NTM: variants seen among roughly 807,000 people sequenced by gnomAD.
The protein encoded by NTM is IgLON family member 2.
Under a neutral mutation model 42.1 loss-of-function variants are expected in NTM, and 13 were observed. The ratio of observed to expected loss-of-function variants is 0.31; its 90% CI spans 0.20 to 0.49. The LOEUF is 0.49. Among genes scored for constraint, NTM ranks in the 20% least tolerant of loss-of-function variants. The pLI, the probability that NTM is intolerant of heterozygous loss-of-function variation, is 0.99. For missense variants in NTM, 373 were observed against 452.8 expected, an observed-to-expected ratio of 0.82 and a Z score of 1.60; for synonymous variants, 187 against 179.2, an observed-to-expected ratio of 1.04 and a Z score of -0.35.
chr11:131,912,595 G>C (rs543096670), intron 2 of NTM, among the ~76,000 whole-genome samples: 1 of 152,334 alleles, frequency 6.6e-6, no homozygotes, highest in African/African-American at 2.4e-5. Context: ...GATTTTATAA[G>C]AGAATAAGCA....
intron 1 of NTM, among the ~76,000 whole-genome samples, chr11:131,751,012 G>A (rs2135696709): frequency 6.6e-6 from 1 of 152,206 alleles, no homozygotes; most frequent in East Asian, 1.9e-4. Context: ...TTCTCCATCT[G>A]GAAGAAGCCT....
At chr11:131,459,018 A>G (rs75809416) in intron 1 of NTM, among the ~76,000 whole-genome samples, 9,257 of 152,318 alleles carry the variant, frequency 0.061, 657 homozygotes, top group East Asian at 0.21. Context: ...TGGAGAAGCT[A>G]GCTCTTGTTT....
At chr11:132,052,773 CTG>C (rs5795753) in intron 2 of NTM, among the ~76,000 whole-genome samples, 14,843 of 147,948 alleles carry the variant, frequency 0.1, 1,353 homozygotes, top group African/African-American at 0.25. Flanking sequence ...TCCAGGCTCA[CTG>C]TGTGTGTGTG....
intron 2 of NTM, among the ~76,000 whole-genome samples, chr11:132,098,560 T>C (rs1415567571): frequency 1.3e-5 from 2 of 152,244 alleles, no homozygotes; most frequent in African/African-American, 2.4e-5. Context: ...CTGCAGATAG[T>C]GTCCCTGTCC....
Position 131,370,755 on chromosome 11 carries a change from AG to A in NTM, c.-51del. ...ACACAATCTATCAGGAAAGAAAGAA[AG>A]AAAAAAACCGAACCTGACAAAAAAG... On this transcript the variant is annotated 5_prime_UTR_variant, in exon 1 of 9. Coordinates refer to ENST00000683400, the MANE Select transcript of NTM (RefSeq NM_001352005.2). 2 of 1,490,240 alleles carry A rather than the reference AG, an allele frequency of 1.3e-6. No homozygotes were observed. Among genetic ancestry groups the A allele is most frequent in the Non-Finnish European group, 1.9e-6 (2 of 1,077,320 alleles). The allele number at this position is 1,490,240 out of a possible 1,614,324, so 92.3% of individuals were successfully genotyped here. A position where few individuals can be genotyped will look rare whatever the true frequency, so the allele number is the denominator to read the frequency against.
At chr11:131,991,877 G>A (rs2067087658) in intron 2 of NTM, among the ~76,000 whole-genome samples, 1 of 152,082 alleles carries the variant, frequency 6.6e-6, no homozygotes, top group Non-Finnish European at 1.5e-5. Context: ...TTTGGGAGGA[G>A]GAGAAAGGTT....
At chr11:132,061,859 A>T (rs1793638) in intron 2 of NTM, among the ~76,000 whole-genome samples, 4 of 151,838 alleles carry the variant, frequency 2.6e-5, no homozygotes, top group African/African-American at 4.8e-5. Flanking sequence ...TTTTTTAAAG[A>T]TTTTTTTAAA....
chr11:131,651,861 GA>G (rs200186786), intron 1 of NTM, among the ~76,000 whole-genome samples: 2,688 of 41,844 alleles, frequency 0.064, 26 homozygotes, highest in Middle Eastern at 0.19. Context: ...CCCAAAAAAA[GA>G]AAAAAAAAAA....
rs1443297353 is a variant in NTM at position 132,064,483 on chromosome 11, G to C, written c.168-81799G>C. On this transcript the variant is annotated intron_variant, in intron 2 of 8. Coordinates refer to ENST00000683400, the MANE Select transcript of NTM (RefSeq NM_001352005.2). ...ATCTCTCATTATCCAAAAGGTACAA[G>C]AGTGAATAATGGGAAAGAATTGAGC... Among the ~76,000 whole-genome samples the C allele has an allele frequency of 2.0e-5, 3 of 152,172 alleles. No homozygotes were observed. The East Asian group carries it at 5.8e-4, about 29-fold the overall frequency.
At chr11:131,617,905 A>T (rs2062108607) in intron 1 of NTM, among the ~76,000 whole-genome samples, 2 of 152,242 alleles carry the variant, frequency 1.3e-5, no homozygotes, top group Non-Finnish European at 2.9e-5. Flanking sequence ...CGAGCCACCC[A>T]GTGTGCCGTC....
chr11:131,569,560 T>G (rs1309441602), intron 1 of NTM, among the ~76,000 whole-genome samples: 1 of 150,932 alleles, frequency 6.6e-6, no homozygotes. Flanking sequence ...TTAACTTTTC[T>G]TTTTTTCTTC....
At chr11:132,213,013 A>G (rs1227630027) in intron 4 of NTM, among the ~76,000 whole-genome samples, 1 of 152,174 alleles carries the variant, frequency 6.6e-6, no homozygotes, top group African/African-American at 2.4e-5. Context: ...AGAAAATAGA[A>G]CAGGATGTGT....
intron 1 of NTM, among the ~76,000 whole-genome samples, chr11:131,813,700 T>C (rs1373615712): frequency 1.3e-5 from 2 of 152,234 alleles, no homozygotes; most frequent in Non-Finnish European, 2.9e-5. Context: ...ATTAGATACA[T>C]TCAGCTCTAC....
At chr11:132,034,727 C>T (rs1257840186) in intron 2 of NTM, among the ~76,000 whole-genome samples, 1 of 152,192 alleles carries the variant, frequency 6.6e-6, no homozygotes, top group Non-Finnish European at 1.5e-5. Context: ...GAAATGACCT[C>T]CCTGCTCCTG....
In NTM at chr11:131,731,289, T is replaced by C. The variant is rs1321315140; in HGVS notation, c.83-180275T>C. Among the ~76,000 whole-genome samples the C allele has an allele frequency of 3.3e-5, 5 of 152,194 alleles. No homozygotes were observed. The East Asian group carries it at 5.8e-4, about 18-fold the overall frequency. On this transcript the variant is annotated intron_variant, in intron 1 of 8. Coordinates refer to ENST00000683400, the MANE Select transcript of NTM (RefSeq NM_001352005.2). ...CTCTTCATTATGTTCACCTGTTTTC[T>C]TTAGATCTAACATATGTAGGTCAGC... is the stretch of plus-strand genomic sequence containing the variant.
intron 1 of NTM, among the ~76,000 whole-genome samples, chr11:131,848,636 A>G (rs2045197252): frequency 6.6e-6 from 1 of 152,234 alleles, no homozygotes; most frequent in Non-Finnish European, 1.5e-5. Context: ...CATTTCAAAA[A>G]TACTATTAAT....
chr11:131,684,297 C>T (rs186973728), intron 1 of NTM, among the ~76,000 whole-genome samples: 2 of 152,298 alleles, frequency 1.3e-5, no homozygotes, highest in African/African-American at 4.8e-5. Context: ...AGGGAGGATC[C>T]TCCTGGCTGG....
At position 131,523,741 on chromosome 11, in the gene NTM, C is replaced by G. The variant is rs1374958842; in HGVS notation, c.82+152853C>G. On this transcript the variant is annotated intron_variant, in intron 1 of 8. Transcript: ENST00000683400. ...GTGGCAGAGGTTGCAGTGAGCCAAG[C>G]CACTGCACTCTAGCCTGGCTGACAG... Among the ~76,000 whole-genome samples the G allele has an allele frequency of 2.1e-5, 3 of 141,630 alleles. No homozygotes were observed. The South Asian group carries it at 6.8e-4, about 32-fold the overall frequency. The allele number at this position is 141,630 out of a possible 152,430, so 92.9% of individuals were successfully genotyped here. A position where few individuals can be genotyped will look rare whatever the true frequency, so the allele number is the denominator to read the frequency against.
chr11:131,617,275 A>C (rs879805587), intron 1 of NTM, among the ~76,000 whole-genome samples: 1 of 152,086 alleles, frequency 6.6e-6, no homozygotes, highest in African/African-American at 2.4e-5. Context: ...TCTGATCACA[A>C]ACCCATCATG....
Sources: allele counts gnomAD v4.1 joint callset (sites outside exome capture counted in the v4.1 genomes callset), GRCh38; gene constraint gnomAD v4.1.1; transcripts MANE v1.5; gene names NCBI Gene and HGNC (gene_info 2026-07-23, HGNC 2026-07-21).